KCTD8: variants seen among roughly 807,000 people sequenced by gnomAD.
KCTD8 encodes potassium channel tetramerization domain containing 8.
In KCTD8, 27 loss-of-function variants were observed where a neutral mutation model predicts 31.5. That is an observed-to-expected ratio of 0.86 (90% CI 0.63 to 1.18). The LOEUF (loss-of-function observed/expected upper bound fraction) is 1.18, where lower values mean the gene tolerates loss of function less well. Among genes scored for constraint, KCTD8 ranks in the 50% most tolerant of loss-of-function variants. The pLI is 0.00. For missense variants in KCTD8, 658 were observed against 647.7 expected, an observed-to-expected ratio of 1.02 and a Z score of -0.17; for synonymous variants, 290 against 280.0, an observed-to-expected ratio of 1.04 and a Z score of -0.36.
intron 1 of KCTD8, among the ~76,000 whole-genome samples, chr4:44,416,406 G>A (rs541945417): frequency 6.6e-6 from 1 of 152,324 alleles, no homozygotes; most frequent in South Asian, 2.1e-4. Context: ...TGTGATGTGA[G>A]AAGGGTATGA....
chr4:44,317,034 C>T (rs865928523), intron 1 of KCTD8, among the ~76,000 whole-genome samples: 1 of 150,620 alleles, frequency 6.6e-6, no homozygotes, highest in South Asian at 2.1e-4. Context: ...GGAAACCAGA[C>T]TCCTAAACTT....
chr4:44,367,152 G>A (rs191917383), intron 1 of KCTD8, among the ~76,000 whole-genome samples: 1 of 151,996 alleles, frequency 6.6e-6, no homozygotes, highest in East Asian at 1.9e-4. Flanking sequence ...CCTTCCCCTA[G>A]TTAACTTCTG....
intron 1 of KCTD8, among the ~76,000 whole-genome samples, chr4:44,435,377 T>A (rs1043815009): frequency 6.6e-6 from 1 of 152,094 alleles, no homozygotes; most frequent in Non-Finnish European, 1.5e-5. Flanking sequence ...ATGCTCTTTA[T>A]CACAACTACA....
chr4:44,377,554 T>C (rs1719947699), intron 1 of KCTD8, among the ~76,000 whole-genome samples: 1 of 152,094 alleles, frequency 6.6e-6, no homozygotes, highest in East Asian at 1.9e-4. Flanking sequence ...GGTCCCAGAT[T>C]TAACATATGC....
intron 1 of KCTD8, among the ~76,000 whole-genome samples, chr4:44,235,195 T>G (rs970748460): frequency 7.0e-6 from 1 of 142,008 alleles, no homozygotes; most frequent in African/African-American, 3.0e-5. Context: ...TGCTGAGTTT[T>G]TTTTTTTTTT....
intron 1 of KCTD8, among the ~76,000 whole-genome samples, chr4:44,321,351 C>A (rs531288603): frequency 3.9e-5 from 6 of 152,272 alleles, no homozygotes; most frequent in East Asian, 1.9e-4. Flanking sequence ...TTGATGGCAA[C>A]AATTTTCAAA....
intron 1 of KCTD8, among the ~76,000 whole-genome samples, chr4:44,362,937 T>C (rs1719537345): frequency 6.6e-6 from 1 of 152,244 alleles, no homozygotes; most frequent in African/African-American, 2.4e-5. Flanking sequence ...CCATCTGCTT[T>C]ATGTTTTTTC....
At chr4:44,344,689 G>A (rs1401272601) in intron 1 of KCTD8, among the ~76,000 whole-genome samples, 1 of 152,156 alleles carries the variant, frequency 6.6e-6, no homozygotes, top group Non-Finnish European at 1.5e-5. Flanking sequence ...ATACAGGCAT[G>A]AGATGTGGTA....
chr4:44,414,517 G>C (rs367683337), intron 1 of KCTD8, among the ~76,000 whole-genome samples: 2 of 152,078 alleles, frequency 1.3e-5, no homozygotes, highest in African/African-American at 4.8e-5. Context: ...GTTCTCCTGA[G>C]ACCATTTAAC....
At chr4:44,354,604 T>C (rs951342847) in intron 1 of KCTD8, among the ~76,000 whole-genome samples, 1 of 152,178 alleles carries the variant, frequency 6.6e-6, no homozygotes, top group Non-Finnish European at 1.5e-5. Flanking sequence ...ACTTACTGTC[T>C]GTCCTTAATT....
chr4:44,247,813 C>CAT (rs140313261), intron 1 of KCTD8, among the ~76,000 whole-genome samples: 49 of 151,648 alleles, frequency 3.2e-4, no homozygotes, highest in African/African-American at 1.1e-3. Flanking sequence ...ATTTTTAAGG[C>CAT]ATATATATAT....
intron 1 of KCTD8, among the ~76,000 whole-genome samples, chr4:44,217,339 T>C (rs1015385336): frequency 4.6e-5 from 7 of 151,946 alleles, no homozygotes; most frequent in Admixed American, 1.3e-4. Context: ...AAATTAAGGG[T>C]GGAACTGGGG....
rs113784830 is a variant in KCTD8 at position 44,239,053 on chromosome 4, G to A, written c.962-63803C>T. Among the ~76,000 whole-genome samples the A allele has an allele frequency of 7.0e-3, 1,069 of 152,116 alleles. 11 individuals carry two copies. The highest frequency in any genetic ancestry group is 0.025 in the African/African-American group (1,018 of 41,506). On this transcript the variant is annotated intron_variant, in intron 1 of 1. Coordinates refer to ENST00000360029, the MANE Select transcript of KCTD8 (RefSeq NM_198353.3). ...CTACAAATTGCTAGTCACGTGCAGGGGTAAAGTTAAATAGCCTGGACATCT... is the reference window on the plus strand; with the variant it reads ...CTACAAATTGCTAGTCACGTGCAGGAGTAAAGTTAAATAGCCTGGACATCT...
intron 1 of KCTD8, among the ~76,000 whole-genome samples, chr4:44,441,204 C>T (rs1392629186): frequency 6.6e-6 from 1 of 151,356 alleles, no homozygotes; most frequent in African/African-American, 2.4e-5. Flanking sequence ...TAAGTCCTTG[C>T]AAAACCTCTG....
chr4:44,311,305 C>G (rs73247504), intron 1 of KCTD8, among the ~76,000 whole-genome samples: 1 of 152,066 alleles, frequency 6.6e-6, no homozygotes, highest in African/African-American at 2.4e-5. Flanking sequence ...CTATCTTCCA[C>G]GGTGTTGCCT....
chr4:44,410,442 T>C (rs1430514986), intron 1 of KCTD8, among the ~76,000 whole-genome samples: 1 of 152,222 alleles, frequency 6.6e-6, no homozygotes, highest in Non-Finnish European at 1.5e-5. Context: ...ACAGTTATTA[T>C]TCTCATTTTA....
intron 1 of KCTD8, among the ~76,000 whole-genome samples, chr4:44,187,046 A>G (rs932404901): frequency 6.6e-5 from 10 of 152,200 alleles, no homozygotes; most frequent in Non-Finnish European, 1.3e-4. Flanking sequence ...GGAGTCGAAG[A>G]TAAACCATTT....
At chr4:44,196,209 A>C (rs1325049210) in intron 1 of KCTD8, among the ~76,000 whole-genome samples, 2 of 152,204 alleles carry the variant, frequency 1.3e-5, no homozygotes, top group Non-Finnish European at 2.9e-5. Flanking sequence ...AAATGATGGC[A>C]CTGAAAGAAA....
chr4:44,198,129 A>C (rs1005524897), intron 1 of KCTD8, among the ~76,000 whole-genome samples: 2 of 152,152 alleles, frequency 1.3e-5, no homozygotes, highest in East Asian at 3.9e-4. Context: ...AAAAATAAAC[A>C]AAACCTCTGA....
Sources: allele counts gnomAD v4.1 joint callset (sites outside exome capture counted in the v4.1 genomes callset), GRCh38; gene constraint gnomAD v4.1.1; transcripts MANE v1.5; gene names NCBI Gene and HGNC (gene_info 2026-07-23, HGNC 2026-07-21).